CDH4: variants seen among roughly 807,000 people sequenced by gnomAD.
CDH4 encodes the protein cadherin-4.
In CDH4, 33 loss-of-function variants were observed where a neutral mutation model predicts 86.0. The ratio of observed to expected loss-of-function variants is 0.38; its 90% confidence interval spans 0.29 to 0.51. The LOEUF (loss-of-function observed/expected upper bound fraction) is 0.51. Among genes scored for constraint, CDH4 ranks in the 20% least tolerant of loss-of-function variants. CDH4 has a pLI of 0.86. For synonymous variants in CDH4, 555 were observed against 549.4 expected, an observed-to-expected ratio of 1.01 and a Z score of -0.14; for missense variants, 1,114 against 1,307.4, an observed-to-expected ratio of 0.85 and a Z score of 2.28.
intron 6 of CDH4, among the ~76,000 whole-genome samples, chr20:61,854,008 G>GACTT (rs965710410): frequency 3.3e-5 from 5 of 152,304 alleles, no homozygotes; most frequent in African/African-American, 1.2e-4. Context: ...ATTTAGGACG[G>GACTT]ACTTACACTA....
At chr20:61,531,688 T>C (rs1009199215) in intron 2 of CDH4, among the ~76,000 whole-genome samples, 1 of 152,140 alleles carries the variant, frequency 6.6e-6, no homozygotes, top group Non-Finnish European at 1.5e-5. Context: ...AGTGCATGCG[T>C]GGACATGGAT....
At chr20:61,812,519 C>T (rs1043250622) in intron 4 of CDH4, among the ~76,000 whole-genome samples, 11 of 152,172 alleles carry the variant, frequency 7.2e-5, no homozygotes, top group Non-Finnish European at 1.3e-4. Context: ...TTGACGTATC[C>T]TTTAACCCCC....
rs1047821971 is a variant in CDH4, at chr20:61,637,394, G to A, written c.170-106169G>A. 3.3e-5 allele frequency among the ~76,000 whole-genome samples: 5 copies of A among 152,182 alleles called. No homozygotes were observed. The South Asian group carries it at 8.3e-4, about 25-fold the overall frequency. ...TCAGTGCCCACCCTGGATCTCCTCT[G>A]AGGGTATCTGTGAAGCTGAACATCC... On this transcript the variant is annotated intron_variant, in intron 2 of 15. Coordinates refer to ENST00000614565, the MANE Select transcript of CDH4 (RefSeq NM_001794.5).
At chr20:61,610,531 T>G (rs1246050687) in intron 2 of CDH4, among the ~76,000 whole-genome samples, 1 of 152,168 alleles carries the variant, frequency 6.6e-6, no homozygotes, top group Admixed American at 6.5e-5. Context: ...GTGGGGTTGC[T>G]GGGTCATAGA....
At chr20:61,847,348 C>T (rs1031821454) in intron 5 of CDH4, among the ~76,000 whole-genome samples, 5 of 152,192 alleles carry the variant, frequency 3.3e-5, no homozygotes, top group Non-Finnish European at 5.9e-5. Context: ...AGCAGGGGTC[C>T]GGCTGTGCAG....
At chr20:61,340,360 C>T (rs780394496) in intron 2 of CDH4, among the ~76,000 whole-genome samples, 11 of 152,186 alleles carry the variant, frequency 7.2e-5, no homozygotes, top group Non-Finnish European at 1.0e-4. Flanking sequence ...GCCAGCCTGC[C>T]GCTGTCCAGC....
At chr20:61,349,258 C>A (rs939489947) in intron 2 of CDH4, among the ~76,000 whole-genome samples, 3 of 152,216 alleles carry the variant, frequency 2.0e-5, no homozygotes, top group African/African-American at 7.2e-5. Context: ...CAACCCAAGG[C>A]TGCTCCGTAG....
At chr20:61,757,553 G>A (rs544131845) in intron 3 of CDH4, among the ~76,000 whole-genome samples, 1 of 152,312 alleles carries the variant, frequency 6.6e-6, no homozygotes, top group South Asian at 2.1e-4. Context: ...AGGCAGGGAA[G>A]CCCCCTAGGG....
chr20:61,337,381 G>C (rs1446427837), intron 2 of CDH4, among the ~76,000 whole-genome samples: 1 of 145,238 alleles, frequency 6.9e-6, no homozygotes, highest in Non-Finnish European at 1.5e-5. Context: ...AGATCATAAT[G>C]ATAATGATAA....
At chr20:61,617,629 C>T (rs1354135727) in intron 2 of CDH4, among the ~76,000 whole-genome samples, 2 of 152,240 alleles carry the variant, frequency 1.3e-5, no homozygotes, top group Admixed American at 6.5e-5. Flanking sequence ...GTGAAGTTTT[C>T]AGCCTCTGAC....
intron 2 of CDH4, chr20:61,718,579 A>T (rs1600908353): frequency 2.9e-6 from 1 of 345,056 alleles, no homozygotes; most frequent in East Asian, 7.5e-5. Flanking sequence ...CCACCTGCAC[A>T]GGCTCACAGG....
chr20:61,509,347 G>C (rs1346567256), intron 2 of CDH4, among the ~76,000 whole-genome samples: 1 of 151,740 alleles, frequency 6.6e-6, no homozygotes, highest in Non-Finnish European at 1.5e-5. Context: ...ATATTAACAC[G>C]GGAGAAGTGA....
At chr20:61,723,704 G>A (rs1406759013) in intron 2 of CDH4, among the ~76,000 whole-genome samples, 1 of 152,230 alleles carries the variant, frequency 6.6e-6, no homozygotes, top group Non-Finnish European at 1.5e-5. Flanking sequence ...AAATCTATTT[G>A]CATTTCCTGA....
chr20:61,395,255 T>C (rs6121732), intron 2 of CDH4, among the ~76,000 whole-genome samples: 16,007 of 152,152 alleles, frequency 0.11, 975 homozygotes, highest in Non-Finnish European at 0.15. Context: ...ACATTTGTTA[T>C]TTTATAAATT....
At chr20:61,457,170 CT>C (rs34213663) in intron 2 of CDH4, among the ~76,000 whole-genome samples, 1 of 152,242 alleles carries the variant, frequency 6.6e-6, no homozygotes, top group Non-Finnish European at 1.5e-5. Flanking sequence ...CACGGGGGCC[CT>C]TTTGGAGACA....
At chr20:61,499,602 C>G (rs1046603599) in intron 2 of CDH4, 1 of 1,047,732 alleles carries the variant, frequency 9.5e-7, no homozygotes, top group Non-Finnish European at 1.3e-6. Context: ...GGGAGGAGGG[C>G]TCCAAGCCAG....
At chr20:61,498,288 G>T (rs1008653603) in intron 2 of CDH4, among the ~76,000 whole-genome samples, 4 of 152,132 alleles carry the variant, frequency 2.6e-5, no homozygotes, top group Non-Finnish European at 5.9e-5. Flanking sequence ...TGTTCCCACC[G>T]GTTGGCCGGT....
intron 2 of CDH4, among the ~76,000 whole-genome samples, chr20:61,442,265 C>T (rs553741395): frequency 6.6e-6 from 1 of 152,128 alleles, no homozygotes; most frequent in Non-Finnish European, 1.5e-5. Context: ...AGTGTGTGTC[C>T]GAGGAAGGGC....
In CDH4 at chr20:61,929,801, G is replaced by C; in HGVS notation, c.2198G>C (p.Gly733Ala). ...GAVAAAGLGT[G>A]AIVAILICIL... ...GTGGCAGCGGCTGGTCTGGGCACCG[G>C]TGCCATCGTGGCCATCCTCATCTGC... Residue 733 changes from glycine to alanine, a missense_variant, in exon 13 of 16, where the codon GGT becomes GCT. By Grantham distance (60) the Gly-to-Ala change is moderately conservative. Coordinates refer to ENST00000614565, the MANE Select transcript of CDH4 (RefSeq NM_001794.5). The C allele has an allele frequency of 6.2e-7, 1 of 1,614,004 alleles. No homozygotes were observed. The highest frequency in any genetic ancestry group is 8.5e-7 in the Non-Finnish European group (1 of 1,180,026).
Sources: allele counts gnomAD v4.1 joint callset (sites outside exome capture counted in the v4.1 genomes callset), GRCh38; gene constraint gnomAD v4.1.1; transcripts MANE v1.5; gene names NCBI Gene and HGNC (gene_info 2026-07-23, HGNC 2026-07-21).